PTGFRN: variants seen among roughly 807,000 people sequenced by gnomAD.
PTGFRN encodes the protein prostaglandin F2 receptor inhibitor.
In PTGFRN, 35 loss-of-function variants were observed where a neutral mutation model predicts 83.2. The observed-to-expected ratio is 0.42, with a 90% CI of 0.32 to 0.56. PTGFRN has a LOEUF of 0.56. Among genes scored for constraint, PTGFRN ranks in the 20% least tolerant of loss-of-function variants. PTGFRN has a pLI of 0.11. For missense variants in PTGFRN, 1,051 were observed against 1,179.5 expected (o/e 0.89, Z 1.60); for synonymous variants, 519 against 498.6 (o/e 1.04, Z -0.55).
Position 116,986,889 on chromosome 1 carries a change from C to T in PTGFRN, c.2562C>T (p.Ser854=). 1 of 1,614,260 alleles carries T rather than the reference C, an allele frequency of 6.2e-7. No individual in the cohort carries two copies. The highest frequency in any genetic ancestry group is 8.5e-7 in the Non-Finnish European group (1 of 1,180,034). ...GLLSCLIGYC[S]SHWCCKKEVQ... Reference sequence around the variant, plus strand: ...TGTCCTGTCTCATCGGGTACTGCAGCTCCCACTGGTGTTGTAAGAAGGAGG... The same window carrying T: ...TGTCCTGTCTCATCGGGTACTGCAGTTCCCACTGGTGTTGTAAGAAGGAGG... The change falls in exon 9 of 9, where the codon AGC becomes AGT. Residue 854 remains serine, a synonymous_variant. Transcript: ENST00000393203.
chr1:116,956,573 G>A (rs1294522592), intron 4 of PTGFRN, among the ~76,000 whole-genome samples: 12 of 152,248 alleles, frequency 7.9e-5, no homozygotes, highest in Admixed American at 6.5e-5. Context: ...GGAAGGCGGA[G>A]CATAGGAGTA....
intron 2 of PTGFRN, among the ~76,000 whole-genome samples, chr1:116,943,676 A>G (rs1289320809): frequency 1.3e-5 from 2 of 152,146 alleles, no homozygotes; most frequent in Non-Finnish European, 2.9e-5. Context: ...TATTAGCCAG[A>G]CTCACAGACT....
At chr1:116,942,741 C>T (rs1157180585) in intron 2 of PTGFRN, among the ~76,000 whole-genome samples, 2 of 152,170 alleles carry the variant, frequency 1.3e-5, no homozygotes, top group East Asian at 3.9e-4. Flanking sequence ...GCAAATATTA[C>T]ACCTTATGTA....
chr1:116,947,283 C>T (rs1345249623), intron 3 of PTGFRN, among the ~76,000 whole-genome samples: 1 of 152,256 alleles, frequency 6.6e-6, no homozygotes, highest in Non-Finnish European at 1.5e-5. Context: ...TCCTCCCTGT[C>T]ATGGGAGTGG....
At chr1:116,921,780 T>C (rs1649542986) in intron 1 of PTGFRN, among the ~76,000 whole-genome samples, 1 of 152,162 alleles carries the variant, frequency 6.6e-6, no homozygotes, top group Non-Finnish European at 1.5e-5. Context: ...CTTGGGTGAA[T>C]GAGTTATTAG....
At chr1:116,976,343 C>G (rs560841077) in intron 7 of PTGFRN, among the ~76,000 whole-genome samples, 187 of 152,216 alleles carry the variant, frequency 1.2e-3, no homozygotes, top group Non-Finnish European at 2.1e-3. Flanking sequence ...GCAAGGCAGG[C>G]CAACATTCAA....
Position 116,941,767 on chromosome 1 carries a change from G to C in PTGFRN, c.102G>C (p.Val34=), listed in dbSNP as rs762799999. 8.7e-6 allele frequency: 14 copies of C among 1,614,014 alleles called. No individual in the cohort carries two copies. The highest frequency in any genetic ancestry group is 1.0e-5 in the Non-Finnish European group (12 of 1,180,018). Residue 34 remains valine, a synonymous_variant, in exon 2 of 9, where the codon GTG becomes GTC. Transcript: ENST00000393203. The surrounding 1 kb of genome is among the most constrained non-coding windows in gnomAD (Gnocchi z 5.0). ...VRVPTATLVR[V]VGTELVIPCN... ...TCCCCACAGCGACCCTGGTTCGAGTGGTGGGCACTGAGCTGGTCATCCCCT... is the reference window on the plus strand; with the variant it reads ...TCCCCACAGCGACCCTGGTTCGAGTCGTGGGCACTGAGCTGGTCATCCCCT...
chr1:116,982,737 G>A (rs930196149), intron 7 of PTGFRN, among the ~76,000 whole-genome samples: 7 of 152,292 alleles, frequency 4.6e-5, no homozygotes, highest in Admixed American at 2.0e-4. Flanking sequence ...TAGGCCCACC[G>A]GAGGGAAGGG....
intron 1 of PTGFRN, among the ~76,000 whole-genome samples, chr1:116,939,391 T>C (rs765592694): frequency 4.1e-4 from 62 of 152,396 alleles, no homozygotes; most frequent in African/African-American, 1.5e-3. Flanking sequence ...ACTCACAGGC[T>C]TGACACCACG....
intron 1 of PTGFRN, among the ~76,000 whole-genome samples, chr1:116,913,421 T>C (rs1379837676): frequency 8.6e-6 from 1 of 115,734 alleles, no homozygotes; most frequent in Non-Finnish European, 1.7e-5. Context: ...GAGGAAATAA[T>C]GGGGGTGCAA....
intron 1 of PTGFRN, among the ~76,000 whole-genome samples, chr1:116,919,449 G>A (rs1320800809): frequency 1.3e-5 from 2 of 152,104 alleles, no homozygotes; most frequent in African/African-American, 4.8e-5. Flanking sequence ...CCAGGCTGGA[G>A]TGTAATGTTG....
chr1:116,949,490 G>C lies in PTGFRN; in HGVS notation c.1131G>C (p.Leu377=), dbSNP rs1170778630. 1 of 1,614,130 alleles carries C rather than the reference G, an allele frequency of 6.2e-7. No individual in the cohort carries two copies. The highest frequency in any genetic ancestry group is 1.3e-5 in the African/African-American group (1 of 74,944). The part of the protein sequence containing the change: ...NSGYYYCHVS[L]WAPGHNRSWH... ...GCTACTATTACTGCCACGTGTCCCT[G>C]TGGGCACCCGGACACAACAGGAGCT... The change falls in exon 4 of 9, where the codon CTG becomes CTC. Residue 377 remains leucine, a synonymous_variant. Coordinates refer to ENST00000393203, the MANE Select transcript of PTGFRN (RefSeq NM_020440.4).
At chr1:116,929,033 T>C (rs1649724939) in intron 1 of PTGFRN, among the ~76,000 whole-genome samples, 1 of 152,192 alleles carries the variant, frequency 6.6e-6, no homozygotes, top group African/African-American at 2.4e-5. Context: ...TGGTGTCTGA[T>C]AGGGACCTCA....
chr1:116,961,607 C>T lies in PTGFRN; in HGVS notation c.1578C>T (p.Asn526=), dbSNP rs540596150. The change falls in exon 5 of 9, where the codon AAC becomes AAT. Residue 526 remains asparagine, a synonymous_variant. Coordinates refer to ENST00000393203, the MANE Select transcript of PTGFRN (RefSeq NM_020440.4). This position sits in a 1 kb window ranked among gnomAD's most constrained non-coding sequence, Gnocchi z 5.4. ...CTGCCTGGACCAAACAGCGGAACAA[C>T]AGCTGGGTGAAAAGCAAGGATGTCT... is the stretch of plus-strand genomic sequence containing the variant. The part of the protein sequence containing the change: ...VVSAWTKQRN[N]SWVKSKDVFS... 2.5e-6 allele frequency: 4 copies of T among 1,614,106 alleles called. No individual in the cohort carries two copies. The South Asian group carries it at 3.3e-5, about 13-fold the overall frequency.
In PTGFRN at chr1:116,944,698, C is replaced by T. The variant is rs766556121; in HGVS notation, c.438C>T (p.His146=). 4.9e-6 allele frequency: 7 copies of T among 1,427,228 alleles called. No homozygotes were observed. Among genetic ancestry groups the T allele is most frequent in the East Asian group, 5.5e-5 (2 of 36,328 alleles). 88.4% of individuals were successfully genotyped at this position (1,427,228 alleles called of 1,614,324 possible). ...CCGCAGTGCTGGCCGACTCCCTGCA[C>T]GTGGGCCCCAGCGCGCGGCCCCCGC... ...VQVKVLADSL[H]VGPSARPPPS... The change falls in exon 3 of 9, where the codon CAC becomes CAT. Residue 146 remains histidine, a synonymous_variant. Transcript: ENST00000393203.
chr1:116,936,055 G>C (rs993662107), intron 1 of PTGFRN, among the ~76,000 whole-genome samples: 1 of 152,100 alleles, frequency 6.6e-6, no homozygotes, highest in Non-Finnish European at 1.5e-5. Flanking sequence ...TTGAAACACT[G>C]GTAGAACTTG....
intron 8 of PTGFRN, 59 bp downstream of exon 8, chr1:116,985,044 G>A: frequency 1.3e-6 from 2 of 1,544,940 alleles, no homozygotes; most frequent in South Asian, 1.2e-5. Context: ...GTGCCAGGCT[G>A]TAGCTGACAG....
At chr1:116,943,143 C>T (rs1187758192) in intron 2 of PTGFRN, among the ~76,000 whole-genome samples, 1 of 152,212 alleles carries the variant, frequency 6.6e-6, no homozygotes, top group Admixed American at 6.5e-5. Flanking sequence ...TTGAGGCATT[C>T]ATTCCCTCAT....
chr1:116,950,337 C>G (rs887914080), intron 4 of PTGFRN, among the ~76,000 whole-genome samples: 3 of 152,156 alleles, frequency 2.0e-5, no homozygotes, highest in Non-Finnish European at 4.4e-5. Flanking sequence ...TGCAAGTAAT[C>G]AAAGGAGGGA....
Sources: allele counts gnomAD v4.1 joint callset (sites outside exome capture counted in the v4.1 genomes callset), GRCh38; gene constraint gnomAD v4.1.1; non-coding constraint Gnocchi (gnomAD v3.1); transcripts MANE v1.5; gene names NCBI Gene and HGNC (gene_info 2026-07-23, HGNC 2026-07-21).